GDAP1: variants seen among roughly 807,000 people sequenced by gnomAD.
GDAP1 encodes the protein ganglioside-induced differentiation-associated protein 1.
Under a neutral mutation model 40.1 loss-of-function variants are expected in GDAP1, and 34 were observed. The observed-to-expected ratio is 0.85, with a 90% CI of 0.64 to 1.13. The LOEUF is 1.13. Among genes scored for constraint, GDAP1 ranks in the 50% most tolerant of loss-of-function variants. The probability of loss-of-function intolerance (pLI) is 0.00; values close to 1 mark genes in which losing one functional copy is unlikely to be tolerated. For missense variants in GDAP1, 374 were observed against 433.7 expected (o/e 0.86, Z 1.22); for synonymous variants, 170 against 157.4 (o/e 1.08, Z -0.60).
rs543909932 is a variant in GDAP1, at chr8:74,401,368, T to C, written c.165+50047T>C. Among the ~76,000 whole-genome samples, 3 of 150,148 alleles carry C rather than the reference T, an allele frequency of 2.0e-5. 1 individual carries two copies. Among genetic ancestry groups the C allele is most frequent in the African/African-American group, 7.6e-5 (3 of 39,450 alleles). On this transcript the variant is annotated intron_variant, in intron 2 of 2. Transcript: ENST00000523640. ...ATTAGCTCCTGAGGCTTCTGCATTC[T>C]TCACGTAGTTCTCGAGCCTTGGCTT...
At chr8:74,415,278 A>G (rs1308638812) in intron 2 of GDAP1, among the ~76,000 whole-genome samples, 1 of 150,342 alleles carries the variant, frequency 6.7e-6, no homozygotes, top group Admixed American at 6.6e-5. Flanking sequence ...GTAACTTTGA[A>G]AATTGAAAGC....
intron 2 of GDAP1, among the ~76,000 whole-genome samples, chr8:74,403,997 T>C (rs1240591148): frequency 1.3e-5 from 2 of 150,110 alleles, no homozygotes; most frequent in Admixed American, 6.6e-5. Flanking sequence ...GTATTTTGAG[T>C]TTATCCAGTA....
chr8:74,379,672 G>A (rs1809917062), intron 2 of GDAP1, among the ~76,000 whole-genome samples: 1 of 152,152 alleles, frequency 6.6e-6, no homozygotes, highest in Non-Finnish European at 1.5e-5. Context: ...TAATGTTCTT[G>A]CTCTGCATCT....
intron 2 of GDAP1, among the ~76,000 whole-genome samples, chr8:74,486,206 G>T (rs1478906687): frequency 1.3e-5 from 2 of 152,064 alleles, no homozygotes; most frequent in Admixed American, 6.6e-5. Context: ...CTCTTCTCTG[G>T]GCCAAGAAAC....
chr8:74,362,447 A>G (rs1309587785), intron 4 of GDAP1, among the ~76,000 whole-genome samples: 2 of 151,894 alleles, frequency 1.3e-5, no homozygotes, highest in Non-Finnish European at 1.5e-5. Flanking sequence ...AGCACTCCCA[A>G]CCCTCCCCAA....
intron 2 of GDAP1, among the ~76,000 whole-genome samples, chr8:74,378,448 TC>T (rs1809895105): frequency 6.6e-6 from 1 of 152,134 alleles, no homozygotes; most frequent in African/African-American, 2.4e-5. Flanking sequence ...TGGGAAACAC[TC>T]TAAAGTGGTG....
intron 2 of GDAP1, among the ~76,000 whole-genome samples, chr8:74,397,931 A>G (rs1041492585): frequency 2.6e-5 from 4 of 151,822 alleles, no homozygotes; most frequent in Non-Finnish European, 5.9e-5. Context: ...CATTGAATCT[A>G]TAAATTACCT....
downstream of GDAP1, among the ~76,000 whole-genome samples, chr8:74,368,467 A>G (rs1466258866): frequency 2.6e-5 from 4 of 152,352 alleles, no homozygotes; most frequent in Admixed American, 6.5e-5. Context: ...GATATGAACT[A>G]TAAATAATTA....
At chr8:74,400,075 G>C (rs1810295796) in intron 2 of GDAP1, among the ~76,000 whole-genome samples, 1 of 148,172 alleles carries the variant, frequency 6.7e-6, no homozygotes, top group South Asian at 2.1e-4. Flanking sequence ...TCCGCTTGGT[G>C]CAGAGCTGAG....
chr8:74,392,028 A>G (rs1810117988), intron 2 of GDAP1, among the ~76,000 whole-genome samples: 1 of 152,180 alleles, frequency 6.6e-6, no homozygotes, highest in African/African-American at 2.4e-5. Flanking sequence ...CATGTTGGTC[A>G]GGCTGGTCTC....
intron 2 of GDAP1, among the ~76,000 whole-genome samples, chr8:74,484,209 C>A (rs965853945): frequency 2.5e-4 from 38 of 152,190 alleles, no homozygotes; most frequent in African/African-American, 8.7e-4. Context: ...ATACCATAAG[C>A]TGAACATTAA....
intron 2 of GDAP1, among the ~76,000 whole-genome samples, chr8:74,475,701 G>C (rs1452407017): frequency 6.6e-6 from 1 of 152,020 alleles, no homozygotes; most frequent in Non-Finnish European, 1.5e-5. Context: ...TTTTTTGTCT[G>C]ATTGTGTGGT....
intron 2 of GDAP1, among the ~76,000 whole-genome samples, chr8:74,479,553 C>A (rs1806679905): frequency 6.6e-6 from 1 of 152,238 alleles, no homozygotes; most frequent in East Asian, 1.9e-4. Context: ...TAAATGTAAT[C>A]TTTTTTGCTG....
At chr8:74,422,293 C>G (rs1479077852) in intron 2 of GDAP1, among the ~76,000 whole-genome samples, 1 of 24,324 alleles carries the variant, frequency 4.1e-5, no homozygotes, top group South Asian at 1.7e-3. Flanking sequence ...TCTTTTCTTT[C>G]TTTCTTTCTT....
chr8:74,354,792 C>A (rs559917045), intron 2 of GDAP1, among the ~76,000 whole-genome samples: 1 of 152,196 alleles, frequency 6.6e-6, no homozygotes, highest in East Asian at 1.9e-4. Context: ...GAATAGTTGA[C>A]ATTTTGTCCA....
At chr8:74,463,178 G>A (rs888671969) in intron 2 of GDAP1, among the ~76,000 whole-genome samples, 16 of 142,108 alleles carry the variant, frequency 1.1e-4, no homozygotes, top group African/African-American at 4.3e-4. Flanking sequence ...TAGGATAGGT[G>A]TGGTGGCTTA....
At chr8:74,432,147 T>C (rs575275566) in intron 2 of GDAP1, among the ~76,000 whole-genome samples, 10 of 152,158 alleles carry the variant, frequency 6.6e-5, no homozygotes, top group Non-Finnish European at 8.8e-5. Context: ...GTTGGAACTA[T>C]TGGTGGCCAT....
intron 2 of GDAP1, among the ~76,000 whole-genome samples, chr8:74,475,561 A>C (rs1806618377): frequency 6.6e-6 from 1 of 152,184 alleles, no homozygotes; most frequent in Non-Finnish European, 1.5e-5. Flanking sequence ...TTTTAGGAAC[A>C]GGTTTTTAAA....
At position 74,452,007 on chromosome 8, in the gene GDAP1, T is replaced by C. The variant is rs560508830; in HGVS notation, c.166-36671T>C. Among the ~76,000 whole-genome samples, 38 of 81,160 alleles carry C rather than the reference T, an allele frequency of 4.7e-4. 12 individuals are homozygous for C. In the South Asian group the frequency reaches 5.8e-3, roughly 12 times the overall value. The allele number at this position is 81,160 out of a possible 152,430, so 53.2% of individuals were successfully genotyped here. Reference sequence around the variant, plus strand: ...CTCTGTCGCCCAGGCTGGAGTGCAGTGGCGCGATCTCGGCTCACTGCAAGC... The same window carrying C: ...CTCTGTCGCCCAGGCTGGAGTGCAGCGGCGCGATCTCGGCTCACTGCAAGC... On this transcript the variant is annotated intron_variant, in intron 2 of 2. Transcript: ENST00000523640.
Sources: allele counts gnomAD v4.1 joint callset (sites outside exome capture counted in the v4.1 genomes callset), GRCh38; gene constraint gnomAD v4.1.1; transcripts MANE v1.5; gene names NCBI Gene and HGNC (gene_info 2026-07-23, HGNC 2026-07-21).